ANXA13: variants seen among roughly 807,000 people sequenced by gnomAD.
The protein encoded by ANXA13 is annexin XIII.
ANXA13 carries 36 observed loss-of-function variants against 46.6 expected under a neutral mutation model. The ratio of observed to expected loss-of-function variants is 0.77; its 90% CI spans 0.59 to 1.02. The LOEUF (loss-of-function observed/expected upper bound fraction) is 1.02. ANXA13 is among the 50% of genes least tolerant of loss of function. The pLI, the probability that ANXA13 is intolerant of heterozygous loss-of-function variation, is 0.00. For synonymous variants in ANXA13, 163 were observed against 152.9 expected, an observed-to-expected ratio of 1.07 and a Z score of -0.49; for missense variants, 417 against 396.5, an observed-to-expected ratio of 1.05 and a Z score of -0.44.
At chr8:123,715,874 G>A (rs553450786) in intron 1 of ANXA13, among the ~76,000 whole-genome samples, 1 of 152,218 alleles carries the variant, frequency 6.6e-6, no homozygotes, top group South Asian at 2.1e-4. Context: ...CCCGTTTTAG[G>A]GAGGCCATTC....
chr8:123,706,838 C>T lies in ANXA13; in HGVS notation c.92-4102G>A, dbSNP rs988555334. ...ACCTGTCCTCTCCCAGGCTACTTTC[C>T]ACCCACTTTGTAGATGATTTGCAGC... is the stretch of plus-strand genomic sequence containing the variant. On this transcript the variant is annotated intron_variant, in intron 2 of 10. Coordinates refer to ENST00000419625, the MANE Select transcript of ANXA13 (RefSeq NM_004306.4). Among the ~76,000 whole-genome samples the T allele has an allele frequency of 2.0e-5, 3 of 152,226 alleles. No homozygotes were observed. In the East Asian group the frequency reaches 5.8e-4, roughly 29 times the overall value.
chr8:123,722,382 G>GAAAGAAAGAA (rs1554595379), intron 1 of ANXA13, among the ~76,000 whole-genome samples: 184 of 126,370 alleles, frequency 1.5e-3, no homozygotes, highest in African/African-American at 5.1e-3. Flanking sequence ...AAGAAAGAAA[G>GAAAGAAAGAA]AAAGAAAGAA....
intron 4 of ANXA13, among the ~76,000 whole-genome samples, chr8:123,697,504 C>T (rs530686493): frequency 6.6e-5 from 10 of 152,178 alleles, no homozygotes; most frequent in Admixed American, 2.6e-4. Context: ...TGGACCCTGG[C>T]GGCACTTCAG....
At chr8:123,735,898 C>T (rs1814256141) in intron 1 of ANXA13, 2 of 1,574,260 alleles carry the variant, frequency 1.3e-6, no homozygotes, top group African/African-American at 1.4e-5. Flanking sequence ...AAAAAAAATA[C>T]ATAAAAATGC....
intron 1 of ANXA13, among the ~76,000 whole-genome samples, chr8:123,719,159 C>G (rs571806907): frequency 2.0e-4 from 30 of 152,362 alleles, no homozygotes; most frequent in African/African-American, 7.0e-4. Context: ...AATACACTCA[C>G]TTAAGTACAT....
At chr8:123,696,794 C>T (rs1813346946) in intron 4 of ANXA13, among the ~76,000 whole-genome samples, 1 of 152,232 alleles carries the variant, frequency 6.6e-6, no homozygotes, top group African/African-American at 2.4e-5. Context: ...TTTTTCTTCT[C>T]ATCCCATCAG....
intron 1 of ANXA13, among the ~76,000 whole-genome samples, chr8:123,714,498 C>G (rs1028534155): frequency 2.0e-5 from 3 of 152,202 alleles, no homozygotes; most frequent in Non-Finnish European, 4.4e-5. Flanking sequence ...TCCTCAGACA[C>G]AGCAGCGCCT....
chr8:123,698,156 C>T (rs901143378), intron 4 of ANXA13, among the ~76,000 whole-genome samples: 1 of 152,180 alleles, frequency 6.6e-6, no homozygotes, highest in African/African-American at 2.4e-5. Flanking sequence ...AGCAGAAGCT[C>T]GCTGGACACA....
chr8:123,720,696 G>GTA (rs1285814936), intron 1 of ANXA13, among the ~76,000 whole-genome samples: 1 of 150,760 alleles, frequency 6.6e-6, no homozygotes, highest in Non-Finnish European at 1.5e-5. Context: ...GTGTGTGTGT[G>GTA]TGAGTTAAGA....
chr8:123,692,082 T>C (rs1586314964), intron 8 of ANXA13, among the ~76,000 whole-genome samples: 1 of 152,298 alleles, frequency 6.6e-6, no homozygotes, highest in East Asian at 1.9e-4. Flanking sequence ...TTATATACAG[T>C]CATGATAAAA....
intron 3 of ANXA13, among the ~76,000 whole-genome samples, chr8:123,702,079 CTAA>C (rs1166940826): frequency 1.1e-4 from 16 of 152,126 alleles, no homozygotes; most frequent in Admixed American, 5.2e-4. Flanking sequence ...AATGATAATT[CTAA>C]TGACATTAAG....
At chr8:123,683,201 G>A (rs76470036) in intron 10 of ANXA13, among the ~76,000 whole-genome samples, 4 of 151,926 alleles carry the variant, frequency 2.6e-5, no homozygotes, top group African/African-American at 9.7e-5. Context: ...AGGGAAAGAG[G>A]GGAGAGAGAG....
intron 3 of ANXA13, among the ~76,000 whole-genome samples, chr8:123,699,913 T>C (rs559854828): frequency 1.6e-4 from 24 of 152,326 alleles, no homozygotes; most frequent in African/African-American, 5.8e-4. Flanking sequence ...AATGTGACAA[T>C]CCTTGTCAAT....
chr8:123,695,363 C>A, intron 6 of ANXA13, 139 bp downstream of exon 6: 1 of 674,296 alleles, frequency 1.5e-6, no homozygotes, highest in Non-Finnish European at 2.6e-6. Flanking sequence ...GCTGATGGAG[C>A]ATGGGTTGAT....
In ANXA13 at chr8:123,681,061, A is replaced by G; in HGVS notation, c.*179T>C. The G allele has an allele frequency of 1.3e-6, 1 of 746,824 alleles. No homozygotes were observed. The highest frequency in any genetic ancestry group is 2.0e-6 in the Non-Finnish European group (1 of 490,728). The allele number at this position is 746,824 out of a possible 1,614,324, so 46.3% of individuals were successfully genotyped here. On this transcript the variant is annotated 3_prime_UTR_variant, in exon 11 of 11. Coordinates refer to ENST00000419625, the MANE Select transcript of ANXA13 (RefSeq NM_004306.4). ...AGAGTTCAAGGTGCCCTGCCCACGC[A>G]TCTTAACGTTACTGCCCTTAACTTA...
At chr8:123,687,319 CTCT>C (rs1813158428) in intron 9 of ANXA13, among the ~76,000 whole-genome samples, 1 of 152,204 alleles carries the variant, frequency 6.6e-6, no homozygotes, top group Non-Finnish European at 1.5e-5. Flanking sequence ...CTACTCAAGA[CTCT>C]TCTTAATTAT....
At chr8:123,729,365 G>C (rs1158550682) in intron 1 of ANXA13, 1 of 152,196 alleles carries the variant, frequency 6.6e-6, no homozygotes, top group Admixed American at 6.5e-5. Flanking sequence ...AGAGAACTGA[G>C]AAGATGATTT....
chr8:123,698,517 C>T lies in ANXA13; in HGVS notation c.229G>A (p.Glu77Lys), dbSNP rs538391440. 60 of 1,614,210 alleles carry T rather than the reference C, an allele frequency of 3.7e-5. No homozygotes were observed. The South Asian group carries it at 5.7e-4, about 15-fold the overall frequency. ...TCCAGAAGGGCCAACGCTGTCTTCT[C>T]GAAGTTTCCACTCAGCTCACTCTTG... is the stretch of plus-strand genomic sequence containing the variant. ...VLKSELSGNF[E>K]KTALALLDRP... The change falls in exon 4 of 11, where the codon GAG becomes AAG. Residue 77 changes from glutamate to lysine, a missense_variant. Coordinates refer to ENST00000419625, the MANE Select transcript of ANXA13 (RefSeq NM_004306.4).
rs115688201 is a variant in ANXA13 at position 123,705,547 on chromosome 8, A to G, written c.92-2811T>C. Among the ~76,000 whole-genome samples, 719 of 152,302 alleles carry G rather than the reference A, an allele frequency of 4.7e-3. 3 individuals are homozygous for G. The highest frequency in any genetic ancestry group is 0.014 in the African/African-American group (581 of 41,562). ...TATTTACATGTATGTTTCTAGGATC[A>G]CTGCAGTGATTATCCAAGACTGCAG... On this transcript the variant is annotated intron_variant, in intron 2 of 10. Transcript: ENST00000419625.
Sources: allele counts gnomAD v4.1 joint callset (sites outside exome capture counted in the v4.1 genomes callset), GRCh38; gene constraint gnomAD v4.1.1; transcripts MANE v1.5; gene names NCBI Gene and HGNC (gene_info 2026-07-23, HGNC 2026-07-21).